Variants in SH3PXD2A observed in about 807,000 individuals in gnomAD.
SH3PXD2A encodes the protein SH3 and PX domains 2A, also known as SH3 and PX domain-containing protein 2A.
In SH3PXD2A, 32 loss-of-function variants were observed where a neutral mutation model predicts 115.2. The ratio of observed to expected loss-of-function variants is 0.28; its 90% confidence interval spans 0.21 to 0.37. The LOEUF is 0.37. Ranked by LOEUF, SH3PXD2A falls within the 10% of genes least tolerant of loss-of-function variation. The pLI, the probability that SH3PXD2A is intolerant of heterozygous loss-of-function variation, is 1.00. For synonymous variants in SH3PXD2A, 610 were observed against 629.1 expected, an observed-to-expected ratio of 0.97 and a Z score of 0.45; for missense variants, 1,328 against 1,498.7, an observed-to-expected ratio of 0.89 and a Z score of 1.88.
intron 1 of SH3PXD2A, among the ~76,000 whole-genome samples, chr10:103,817,670 C>T (rs1052187932): frequency 1.3e-5 from 2 of 152,188 alleles, no homozygotes; most frequent in African/African-American, 2.4e-5. Flanking sequence ...TTAGCTTCCA[C>T]TTACAAGTGA....
chr10:103,619,573 A>G (rs776870299), intron 10 of SH3PXD2A, among the ~76,000 whole-genome samples: 10 of 152,224 alleles, frequency 6.6e-5, no homozygotes, highest in Non-Finnish European at 8.8e-5. Flanking sequence ...AACAAGGTCT[A>G]GCCCATCATG....
At chr10:103,702,909 C>T (rs1175947563) in intron 5 of SH3PXD2A, among the ~76,000 whole-genome samples, 1 of 152,140 alleles carries the variant, frequency 6.6e-6, no homozygotes, top group Non-Finnish European at 1.5e-5. Flanking sequence ...GCCCCATCTG[C>T]AGACATGTGC....
At chr10:103,690,256 C>T (rs1023338390) in intron 6 of SH3PXD2A, among the ~76,000 whole-genome samples, 5 of 152,186 alleles carry the variant, frequency 3.3e-5, no homozygotes, top group African/African-American at 1.2e-4. Flanking sequence ...TTCTAGGTGG[C>T]AGGCAGTGTT....
At chr10:103,686,568 AC>A (rs2037680885) in intron 6 of SH3PXD2A, among the ~76,000 whole-genome samples, 1 of 152,112 alleles carries the variant, frequency 6.6e-6, no homozygotes, top group African/African-American at 2.4e-5. Context: ...CAGGCACAGC[AC>A]AAAACCCCTC....
chr10:103,707,857 ACCCTCCTG>A (rs2037999829), intron 5 of SH3PXD2A, among the ~76,000 whole-genome samples: 1 of 150,980 alleles, frequency 6.6e-6, no homozygotes, highest in African/African-American at 2.4e-5. Flanking sequence ...CTACCTTCCT[ACCCTCCTG>A]CCCTCCTCTG....
intron 3 of SH3PXD2A, among the ~76,000 whole-genome samples, chr10:103,763,390 T>C (rs774892595): frequency 2.0e-5 from 3 of 152,204 alleles, no homozygotes; most frequent in Non-Finnish European, 4.4e-5. Flanking sequence ...CTGGAAATAA[T>C]AGGTGCTCTC....
chr10:103,806,155 C>A (rs1212802528), intron 1 of SH3PXD2A, among the ~76,000 whole-genome samples: 2 of 152,140 alleles, frequency 1.3e-5, no homozygotes, highest in Non-Finnish European at 2.9e-5. Flanking sequence ...GGGAAGCGAG[C>A]CCCCATTCCC....
chr10:103,852,495 C>G (rs1406504085), intron 1 of SH3PXD2A, among the ~76,000 whole-genome samples: 1 of 152,242 alleles, frequency 6.6e-6, no homozygotes, highest in Non-Finnish European at 1.5e-5. Context: ...TACCAAACCA[C>G]AGACTCAGAA....
Position 103,724,268 on chromosome 10 carries a change from A to G in SH3PXD2A, c.398+2T>C. On this transcript the variant is annotated splice_donor_variant, in intron 5 of 14. Transcript: ENST00000369774. LOFTEE classifies it high-confidence loss of function. The stretch of plus-strand genomic sequence containing the variant: ...ACAGGAGAGGCCTGAGCTATTACTT[A>G]CTCTTTTGGAGGGTTGACATCCTCG... The G allele has an allele frequency of 1.3e-6, 2 of 1,541,554 alleles. No homozygotes were observed. Among genetic ancestry groups the G allele is most frequent in the African/African-American group, 2.8e-5 (2 of 70,378 alleles).
chr10:103,776,436 CTGTGTGTGTGTGTGTGTG>C lies in SH3PXD2A; in HGVS notation c.154-9285_154-9268del, dbSNP rs34034863. On this transcript the variant is annotated intron_variant, in intron 2 of 14. Coordinates refer to ENST00000369774, the MANE Select transcript of SH3PXD2A (RefSeq NM_001394015.1). ...AAAGTGTGTGCATGCGTGTGTGTGTCTGTGTGTGTGTGTGTGTGTGTGTGTGTGTGTGTGTATTCTAAC... is the reference window on the plus strand; with the variant it reads ...AAAGTGTGTGCATGCGTGTGTGTGTCTGTGTGTGTGTGTGTGTATTCTAAC... 4.8e-5 allele frequency among the ~76,000 whole-genome samples: 6 copies of C among 125,122 alleles called. No individual in the cohort carries two copies. The South Asian group carries it at 1.6e-3, about 34-fold the overall frequency. The allele number at this position is 125,122 out of a possible 152,430, so 82.1% of individuals were successfully genotyped here.
chr10:103,767,764 G>A (rs1158732947), intron 2 of SH3PXD2A, among the ~76,000 whole-genome samples: 1 of 150,768 alleles, frequency 6.6e-6, no homozygotes. Flanking sequence ...TTCCAAGGAC[G>A]GACCCACTGG....
chr10:103,701,050 TC>T (rs1564867666), intron 5 of SH3PXD2A, among the ~76,000 whole-genome samples: 1 of 1,960 alleles, frequency 5.1e-4, no homozygotes, highest in Non-Finnish European at 7.8e-4. Flanking sequence ...CCACCATCCA[TC>T]CATCCATCCA....
At position 103,661,073 on chromosome 10, in the gene SH3PXD2A, C is replaced by G. The variant is rs754292436; in HGVS notation, c.514G>C (p.Val172Leu). The G allele has an allele frequency of 1.2e-6, 2 of 1,614,106 alleles. No homozygotes were observed. The highest frequency in any genetic ancestry group is 1.1e-5 in the South Asian group (1 of 91,088). ...TAEPMILEQY[V>L]VVSNYKKQEN... is the part of the protein sequence containing the mutation. ...TGCTTCTTATAGTTGGACACCACCA[C>G]GTACTGTTCCAGGATCATGGGCTCG... The change falls in exon 8 of 15, where the codon GTG (valine) becomes CTG (leucine). Residue 172 changes from valine (V) to leucine (L), a missense_variant. By Grantham distance (32) the Val-to-Leu change is conservative. This residue lies in a region of SH3PXD2A where 90 missense variants were observed against 71.1 expected (regional missense o/e 1.27). Transcript: ENST00000369774.
chr10:103,695,878 C>A (rs562485205), intron 5 of SH3PXD2A, among the ~76,000 whole-genome samples: 1 of 152,224 alleles, frequency 6.6e-6, no homozygotes, highest in Non-Finnish European at 1.5e-5. Context: ...CGAGGACTTC[C>A]GGGTCCCTCC....
chr10:103,640,052 C>T (rs2036930808), intron 8 of SH3PXD2A, among the ~76,000 whole-genome samples: 2 of 152,152 alleles, frequency 1.3e-5, no homozygotes, highest in Non-Finnish European at 2.9e-5. Flanking sequence ...CAGTGGCTCA[C>T]GCCTGTAATC....
At chr10:103,706,094 C>T (rs1399540841) in intron 5 of SH3PXD2A, among the ~76,000 whole-genome samples, 2 of 152,180 alleles carry the variant, frequency 1.3e-5, no homozygotes, top group African/African-American at 4.8e-5. Flanking sequence ...TCAGGGCTGG[C>T]ATGAGAATGT....
intron 1 of SH3PXD2A, among the ~76,000 whole-genome samples, chr10:103,822,506 C>A (rs2134292127): frequency 6.6e-6 from 1 of 152,378 alleles, no homozygotes; most frequent in African/African-American, 2.4e-5. Context: ...CAGCCTCACA[C>A]AAGCTCTGCC....
chr10:103,686,478 C>A (rs1243956239), intron 6 of SH3PXD2A, among the ~76,000 whole-genome samples: 1 of 152,176 alleles, frequency 6.6e-6, no homozygotes, highest in Non-Finnish European at 1.5e-5. Context: ...GGAGTCTGCT[C>A]CAGCCCCACT....
Position 103,649,090 on chromosome 10 carries a change from C to T in SH3PXD2A, c.604+11893G>A, listed in dbSNP as rs550217598. Among the ~76,000 whole-genome samples, 3 of 152,286 alleles carry T rather than the reference C, an allele frequency of 2.0e-5. No homozygotes were observed. The South Asian group carries it at 6.2e-4, about 32-fold the overall frequency. On this transcript the variant is annotated intron_variant, in intron 8 of 14. Transcript: ENST00000369774. ...CTTGCCAACATGGTCAAATTCCCCTCGCCTGCTCCCTCTGAGCTGAAACTG... is the reference window on the plus strand; with the variant it reads ...CTTGCCAACATGGTCAAATTCCCCTTGCCTGCTCCCTCTGAGCTGAAACTG...
Sources: gnomAD v4.1 joint callset for allele counts (sites outside exome capture counted in the v4.1 genomes callset) on GRCh38, gnomAD v4.1.1 for gene constraint, gnomAD v4.1.1 regional missense constraint, MANE v1.5 for transcripts, NCBI Gene and HGNC (gene_info 2026-07-23, HGNC 2026-07-21) for gene names.